Variants in HPSE2 observed in about 807,000 individuals in gnomAD.
HPSE2 encodes the protein heparanase 2 (inactive).
HPSE2 carries 38 observed loss-of-function variants against 60.5 expected under a neutral mutation model. The ratio of observed to expected loss-of-function variants is 0.63; its 90% CI spans 0.48 to 0.82. HPSE2 has a LOEUF of 0.82. Among genes scored for constraint, HPSE2 ranks in the 40% least tolerant of loss-of-function variants. HPSE2 has a pLI of 0.00. For synonymous variants in HPSE2, 295 were observed against 293.2 expected, an observed-to-expected ratio of 1.01 and a Z score of -0.06; for missense variants, 713 against 740.4, an observed-to-expected ratio of 0.96 and a Z score of 0.43.
At chr10:99,234,966 C>T (rs1230048138) in intron 1 of HPSE2, among the ~76,000 whole-genome samples, 2 of 152,148 alleles carry the variant, frequency 1.3e-5, no homozygotes, top group Non-Finnish European at 2.9e-5. Context: ...ATCCAACTTG[C>T]CCACCACTCA....
At chr10:99,115,447 C>T (rs1207540559) in intron 3 of HPSE2, among the ~76,000 whole-genome samples, 2 of 152,004 alleles carry the variant, frequency 1.3e-5, no homozygotes, top group African/African-American at 2.4e-5. Flanking sequence ...AGCCACCACG[C>T]TTGGCCAATT....
At chr10:99,201,833 C>T (rs1848584623) in intron 2 of HPSE2, among the ~76,000 whole-genome samples, 1 of 152,104 alleles carries the variant, frequency 6.6e-6, no homozygotes, top group Admixed American at 6.5e-5. Context: ...ATTTCTCAGC[C>T]TAGACTCCTA....
intron 3 of HPSE2, among the ~76,000 whole-genome samples, chr10:98,992,297 G>GT (rs371993001): frequency 1.2e-3 from 178 of 151,700 alleles, no homozygotes; most frequent in African/African-American, 4.1e-3. Flanking sequence ...TTAAATAGTT[G>GT]TTTTTTTTCA....
At chr10:99,016,482 T>C (rs180763507) in intron 3 of HPSE2, among the ~76,000 whole-genome samples, 2 of 152,306 alleles carry the variant, frequency 1.3e-5, no homozygotes, top group Admixed American at 6.5e-5. Flanking sequence ...CCTTGTTCTT[T>C]CTGCTTAGGG....
At chr10:98,623,683 T>C (rs1378191122) in intron 7 of HPSE2, among the ~76,000 whole-genome samples, 1 of 152,202 alleles carries the variant, frequency 6.6e-6, no homozygotes, top group Non-Finnish European at 1.5e-5. Context: ...CATCCACATT[T>C]AAAGTCATGA....
chr10:98,779,914 G>C (rs1950426309), intron 3 of HPSE2, among the ~76,000 whole-genome samples: 1 of 152,122 alleles, frequency 6.6e-6, no homozygotes, highest in Non-Finnish European at 1.5e-5. Context: ...AAAGGGTAGG[G>C]AATTGCCTGA....
At chr10:98,857,207 T>C (rs1182621221) in intron 3 of HPSE2, among the ~76,000 whole-genome samples, 4 of 152,322 alleles carry the variant, frequency 2.6e-5, no homozygotes, top group South Asian at 4.1e-4. Flanking sequence ...CTTAAGAAGA[T>C]GAGCCCTTCC....
chr10:98,678,659 C>A (rs1947708176), intron 6 of HPSE2, among the ~76,000 whole-genome samples: 1 of 151,600 alleles, frequency 6.6e-6, no homozygotes, highest in Non-Finnish European at 1.5e-5. Context: ...TTGTTTTTTA[C>A]TTCTTTTGGT....
chr10:99,132,146 G>GA (rs1194203831), intron 3 of HPSE2, among the ~76,000 whole-genome samples: 17 of 28,548 alleles, frequency 6.0e-4, no homozygotes, highest in African/African-American at 1.1e-3. Context: ...AGAAAGAAAG[G>GA]AAGAAAGAAA....
At chr10:99,059,166 T>G (rs947326443) in intron 3 of HPSE2, among the ~76,000 whole-genome samples, 1 of 152,228 alleles carries the variant, frequency 6.6e-6, no homozygotes, top group Non-Finnish European at 1.5e-5. Context: ...CAGGCCAGAT[T>G]TGGCCCATGG....
intron 6 of HPSE2, among the ~76,000 whole-genome samples, chr10:98,650,399 G>A (rs1296650111): frequency 6.6e-6 from 1 of 152,168 alleles, no homozygotes; most frequent in African/African-American, 2.4e-5. Context: ...TAATATATGG[G>A]CATTCATTAC....
chr10:98,608,214 T>C (rs1945649021), intron 9 of HPSE2, among the ~76,000 whole-genome samples: 1 of 152,234 alleles, frequency 6.6e-6, no homozygotes, highest in Non-Finnish European at 1.5e-5. Flanking sequence ...AATACTTCCC[T>C]GTCTCTAACA....
intron 3 of HPSE2, among the ~76,000 whole-genome samples, chr10:99,127,614 T>A (rs1399158490): frequency 1.3e-5 from 2 of 152,208 alleles, no homozygotes; most frequent in Non-Finnish European, 2.9e-5. Context: ...TTGCTAGAGA[T>A]CTAGACAACT....
chr10:98,862,446 G>A (rs1369982594), intron 3 of HPSE2, among the ~76,000 whole-genome samples: 1 of 152,028 alleles, frequency 6.6e-6, no homozygotes, highest in Non-Finnish European at 1.5e-5. Flanking sequence ...ATGTACAGTG[G>A]CACTTGTAAT....
chr10:98,724,038 T>C (rs945847245), intron 4 of HPSE2, among the ~76,000 whole-genome samples: 12 of 152,310 alleles, frequency 7.9e-5, no homozygotes, highest in Non-Finnish European at 1.6e-4. Context: ...GCTTCTCTAG[T>C]TCTTTTAATT....
chr10:99,273,203 T>C, the HPSE2 span, among the ~76,000 whole-genome samples: 6 of 152,114 alleles, frequency 3.9e-5, no homozygotes, highest in African/African-American at 1.4e-4. Flanking sequence ...CAGTCATAAG[T>C]GGGAGCTAAG....
At chr10:98,958,735 A>G (rs1340653146) in intron 3 of HPSE2, among the ~76,000 whole-genome samples, 2 of 152,160 alleles carry the variant, frequency 1.3e-5, no homozygotes, top group Admixed American at 6.6e-5. Context: ...TTATGCTTAT[A>G]TGATACTTAT....
At chr10:98,805,042 A>G (rs777907736) in intron 3 of HPSE2, among the ~76,000 whole-genome samples, 6 of 152,194 alleles carry the variant, frequency 3.9e-5, no homozygotes, top group Non-Finnish European at 7.4e-5. Flanking sequence ...AAGGGAAGAC[A>G]AACATCGCAT....
intron 3 of HPSE2, among the ~76,000 whole-genome samples, chr10:98,755,998 A>G (rs1949870458): frequency 6.6e-6 from 1 of 152,180 alleles, no homozygotes; most frequent in African/African-American, 2.4e-5. Flanking sequence ...CTGTCTCAAA[A>G]AAACAAAAAA....
Sources: allele counts gnomAD v4.1 joint callset (sites outside exome capture counted in the v4.1 genomes callset), GRCh38; gene constraint gnomAD v4.1.1; transcripts MANE v1.5; gene names NCBI Gene and HGNC (gene_info 2026-07-23, HGNC 2026-07-21).